The following KMT2E variants were observed in gnomAD, a reference collection of about 807,000 sequenced individuals.
The protein encoded by KMT2E is histone reader KMT2E.
KMT2E carries 30 observed loss-of-function variants against 184.6 expected under a neutral mutation model. The ratio of observed to expected loss-of-function variants is 0.16; its 90% CI spans 0.12 to 0.22. The LOEUF (loss-of-function observed/expected upper bound fraction) is 0.22, where lower values mean the gene tolerates loss of function less well. Ranked by LOEUF, KMT2E falls within the 10% of genes least tolerant of loss-of-function variation. The pLI is 1.00. For synonymous variants in KMT2E, 815 were observed against 776.5 expected (o/e 1.05, Z -0.82); for missense variants, 2,023 against 2,237.4 (o/e 0.90, Z 1.93).
intron 6 of KMT2E, among the ~76,000 whole-genome samples, chr7:105,067,762 G>A (rs1361469471): frequency 6.6e-6 from 1 of 151,974 alleles, no homozygotes; most frequent in Non-Finnish European, 1.5e-5. Context: ...TGAGAGCCCA[G>A]GAGTTCGAGA....
At chr7:105,019,024 G>C (rs1372947802) in intron 1 of KMT2E, among the ~76,000 whole-genome samples, 2 of 151,900 alleles carry the variant, frequency 1.3e-5, no homozygotes, top group East Asian at 3.9e-4. Flanking sequence ...CTGTTTAATA[G>C]CAATTGCAAT....
chr7:105,035,132 C>T lies in KMT2E; in HGVS notation c.-188-2994C>T, dbSNP rs547730965. Among the ~76,000 whole-genome samples the T allele has an allele frequency of 1.7e-3, 262 of 150,832 alleles. 1 individual carries two copies. The highest frequency in any genetic ancestry group is 6.0e-3 in the African/African-American group (247 of 41,008). Reference sequence around the variant, plus strand: ...CTCCGCCTCCTGGGTTCATGCCATTCTCCTGCCTCAGCCTCCCAAGTAGCT... The same window carrying T: ...CTCCGCCTCCTGGGTTCATGCCATTTTCCTGCCTCAGCCTCCCAAGTAGCT... On this transcript the variant is annotated intron_variant, in intron 1 of 26. Transcript: ENST00000311117.
Position 105,076,381 on chromosome 7 carries a change from A to G in KMT2E, c.768+300A>G, listed in dbSNP as rs3815255. On this transcript the variant is annotated intron_variant, in intron 9 of 26. Transcript: ENST00000311117. ...GTCTCTGATGCCAGTTAGTATTACT[A>G]TACTGTACTTAGGAATGCAGAATCA... Among the ~76,000 whole-genome samples, 114 of 152,364 alleles carry G rather than the reference A, an allele frequency of 7.5e-4. No homozygotes were observed. In the East Asian group the frequency reaches 0.017, roughly 23 times the overall value.
chr7:105,073,589 A>G, intron 6 of KMT2E, 30 bp from the exon 7 acceptor site: 1 of 1,400,158 alleles, frequency 7.1e-7, no homozygotes, highest in Non-Finnish European at 1.0e-6. Flanking sequence ...CATGTATTTG[A>G]TAAATAATTA....
chr7:105,027,254 A>G (rs898493428), intron 1 of KMT2E, among the ~76,000 whole-genome samples: 1 of 151,374 alleles, frequency 6.6e-6, no homozygotes, highest in Non-Finnish European at 1.5e-5. Flanking sequence ...GGCTAATTTA[A>G]AACAAATTTT....
At chr7:105,073,787 G>T in intron 7 of KMT2E, 110 bp downstream of exon 7, 1 of 650,784 alleles carries the variant, frequency 1.5e-6, no homozygotes, top group Non-Finnish European at 2.8e-6. Context: ...TAAATACCTT[G>T]TTGATGAATG....
intron 1 of KMT2E, among the ~76,000 whole-genome samples, chr7:105,025,197 C>G (rs537128133): frequency 4.8e-4 from 73 of 152,256 alleles, no homozygotes; most frequent in Non-Finnish European, 1.0e-3. Context: ...CAGAACCATA[C>G]CACTTTGGTT....
chr7:105,108,067 T>C (rs1798992331), intron 22 of KMT2E, 142 bp downstream of exon 22: 1 of 584,202 alleles, frequency 1.7e-6, no homozygotes, highest in East Asian at 3.3e-5. Context: ...TTTAAACCTT[T>C]TGTAAATGCT....
intron 12 of KMT2E, among the ~76,000 whole-genome samples, chr7:105,081,356 C>T (rs1797757301): frequency 1.3e-5 from 2 of 151,868 alleles, no homozygotes; most frequent in East Asian, 3.9e-4. Context: ...TGCACTCCAG[C>T]CTGGGCGAAA....
chr7:105,031,797 T>TG (rs1795430614), intron 1 of KMT2E, among the ~76,000 whole-genome samples: 2 of 144,488 alleles, frequency 1.4e-5, no homozygotes, highest in African/African-American at 5.1e-5. Flanking sequence ...AGGCCAGGCA[T>TG]GGTGGCTCAT....
In KMT2E at chr7:105,060,593, G is replaced by GTT. The variant is rs557491899; in HGVS notation, c.72-1560_72-1559dup. Among the ~76,000 whole-genome samples the GTT allele has an allele frequency of 4.8e-5, 7 of 145,322 alleles. No individual in the cohort carries two copies. In the East Asian group the frequency reaches 1.0e-3, roughly 21 times the overall value. On this transcript the variant is annotated intron_variant, in intron 3 of 26. Coordinates refer to ENST00000311117, the MANE Select transcript of KMT2E (RefSeq NM_182931.3). ...AGACGTGTGCCAACACGCTTGGCTA[G>GTT]TTTTTTTTTTTTATTTTTAATGTCT...
Position 105,109,065 on chromosome 7 carries a change from G to C in KMT2E, c.3592G>C (p.Gly1198Arg), listed in dbSNP as rs1799050033. The C allele has an allele frequency of 6.2e-7, 1 of 1,614,076 alleles. No individual in the cohort carries two copies. The highest frequency in any genetic ancestry group is 8.5e-7 in the Non-Finnish European group (1 of 1,180,024). ...TGGAAGCTTGAGCAACAATGGTGAT[G>C]GCTGTGCCAGCAGTAATGACAATGG... The part of the protein sequence containing the change: ...ASGSLSNNGD[G>R]CASSNDNGEQ... The change falls in exon 23 of 27, where the codon GGC becomes CGC. Residue 1198 changes from glycine to arginine, a missense_variant. Coordinates refer to ENST00000311117, the MANE Select transcript of KMT2E (RefSeq NM_182931.3).
intron 15 of KMT2E, among the ~76,000 whole-genome samples, chr7:105,095,412 TGGTTG>T (rs1264296989): frequency 6.6e-6 from 1 of 152,092 alleles, no homozygotes; most frequent in Non-Finnish European, 1.5e-5. Flanking sequence ...TAAATATATT[TGGTTG>T]GGATTATAGG....
At chr7:105,102,506 C>G (rs1319168483) in intron 17 of KMT2E, 2 of 179,704 alleles carry the variant, frequency 1.1e-5, no homozygotes, top group African/African-American at 4.8e-5. Flanking sequence ...GATGTGTTAT[C>G]CTTTATATTT....
At position 105,108,031 on chromosome 7, in the gene KMT2E, G is replaced by GT. The variant is rs1406989801; in HGVS notation, c.3468+108dup. ...TATTATGTAAGGCATTCTTAATTTA[G>GT]TTATTAAAGTTACATTTTTAATATT... On this transcript the variant is annotated intron_variant, in intron 22 of 26. Transcript: ENST00000311117. 3 of 609,384 alleles carry GT rather than the reference G, an allele frequency of 4.9e-6. No homozygotes were observed. In the Admixed American group the frequency reaches 1.4e-4, roughly 28 times the overall value. 37.7% of individuals were successfully genotyped at this position (609,384 alleles called of 1,614,324 possible). A position where few individuals can be genotyped will look rare whatever the true frequency, so the allele number is the denominator to read the frequency against.
At position 105,090,286 on chromosome 7, in the gene KMT2E, GCTCTCA is replaced by G; in HGVS notation, c.1623+14_1623+19del. 1 of 1,570,572 alleles carries G rather than the reference GCTCTCA, an allele frequency of 6.4e-7. No homozygotes were observed. The highest frequency in any genetic ancestry group is 8.6e-7 in the Non-Finnish European group (1 of 1,164,726). ...ATCAAATAATCAGGTACTGAACTCT[GCTCTCA>G]ATGAAATTGAATAAACAAAGGAAAA... On this transcript the variant is annotated intron_variant, in intron 14 of 26. Coordinates refer to ENST00000311117, the MANE Select transcript of KMT2E (RefSeq NM_182931.3).
At chr7:105,095,773 C>T (rs1431892712) in intron 15 of KMT2E, among the ~76,000 whole-genome samples, 1 of 152,142 alleles carries the variant, frequency 6.6e-6, no homozygotes, top group African/African-American at 2.4e-5. Flanking sequence ...ACTGTTTATA[C>T]TCACTAGATT....
chr7:105,031,244 G>A (rs34523410), intron 1 of KMT2E, among the ~76,000 whole-genome samples: 11 of 151,552 alleles, frequency 7.3e-5, no homozygotes, highest in Non-Finnish European at 1.6e-4. Flanking sequence ...TGTGATCGAG[G>A]TACTTGGGAG....
At chr7:105,104,474 G>C (rs1263521679) in intron 17 of KMT2E, 1 of 152,168 alleles carries the variant, frequency 6.6e-6, no homozygotes, top group Non-Finnish European at 1.5e-5. Flanking sequence ...GATCACTTGA[G>C]CCCAGGAGTT....
Sources: allele counts gnomAD v4.1 joint callset (sites outside exome capture counted in the v4.1 genomes callset), GRCh38; gene constraint gnomAD v4.1.1; transcripts MANE v1.5; gene names NCBI Gene and HGNC (gene_info 2026-07-23, HGNC 2026-07-21).